The following MAP3K1 variants were observed in gnomAD, a reference collection of about 807,000 sequenced individuals.
The protein encoded by MAP3K1 is MAP/ERK kinase kinase 1.
A neutral mutation model predicts 144.2 loss-of-function variants in MAP3K1; 36 were observed. The ratio of observed to expected loss-of-function variants is 0.25; its 90% CI spans 0.19 to 0.33. MAP3K1 has a LOEUF of 0.33. Ranked by LOEUF, MAP3K1 falls within the 10% of genes least tolerant of loss-of-function variation. The pLI is 1.00. For missense variants in MAP3K1, 1,650 were observed against 1,881.9 expected (o/e 0.88, Z 2.28); for synonymous variants, 718 against 688.7 (o/e 1.04, Z -0.67).
rs1004104271 is a variant in MAP3K1, at chr5:56,868,766, T to C, written c.1301+2789T>C. 1.5e-4 allele frequency among the ~76,000 whole-genome samples: 23 copies of C among 152,276 alleles called. No homozygotes were observed. The East Asian group carries it at 4.0e-3, about 27-fold the overall frequency. On this transcript the variant is annotated intron_variant, in intron 6 of 19. Transcript: ENST00000399503. ...GATACTTAAAACAGGATCTATCTAG[T>C]CAGTGGAAAATTATGATGGCATTAA...
intron 1 of MAP3K1, chr5:56,820,356 C>A: frequency 1.1e-6 from 1 of 881,094 alleles, no homozygotes; most frequent in South Asian, 5.2e-5. Context: ...CTTCCATTTT[C>A]TTTTTTCAAA....
chr5:56,830,152 A>G (rs768227884), intron 1 of MAP3K1, among the ~76,000 whole-genome samples: 13 of 152,240 alleles, frequency 8.5e-5, no homozygotes, highest in Non-Finnish European at 1.9e-4. Context: ...TGTTATCAGA[A>G]TTATATTGTG....
intron 1 of MAP3K1, among the ~76,000 whole-genome samples, chr5:56,816,732 G>C (rs1371695430): frequency 6.6e-6 from 1 of 152,218 alleles, no homozygotes; most frequent in African/African-American, 2.4e-5. Flanking sequence ...GCGGGAGGCT[G>C]CACACTCGCG....
chr5:56,851,063 C>T (rs956909474), intron 1 of MAP3K1, among the ~76,000 whole-genome samples: 1 of 152,170 alleles, frequency 6.6e-6, no homozygotes, highest in African/African-American at 2.4e-5. Flanking sequence ...TCTCCTGCCT[C>T]AACTTCCCTA....
intron 1 of MAP3K1, among the ~76,000 whole-genome samples, chr5:56,847,049 C>T (rs1271936145): frequency 6.6e-6 from 1 of 152,230 alleles, no homozygotes; most frequent in African/African-American, 2.4e-5. Context: ...AGCTTTTACA[C>T]TACTGCCTTA....
intron 15 of MAP3K1, 47 bp downstream of exon 15, chr5:56,883,726 T>G: frequency 2.5e-6 from 4 of 1,586,474 alleles, no homozygotes; most frequent in Non-Finnish European, 3.5e-6. Context: ...AATCACAAAA[T>G]GAAGCATGTT....
At position 56,865,953 on chromosome 5, in the gene MAP3K1, C is replaced by G. The variant is rs1747659267; in HGVS notation, c.1277C>G (p.Thr426Ser). ...TCTCATACATTGTCATCATCTAGTA[C>G]TTCTACGTCTAGTTCAGAAAACAGG... ...SNSHTLSSSSTSTSSSENSIK... is the reference protein window; with the variant it reads ...SNSHTLSSSSSSTSSSENSIK... Residue 426 changes from threonine to serine, a missense_variant, in exon 6 of 20, where the codon ACT becomes AGT. Physicochemically the swap from Thr to Ser is moderately conservative, Grantham distance 58 (BLOSUM62 1). Coordinates refer to ENST00000399503, the MANE Select transcript of MAP3K1 (RefSeq NM_005921.2). 6.2e-7 allele frequency: 1 copy of G among 1,610,990 alleles called. No homozygotes were observed. Among genetic ancestry groups the G allele is most frequent in the African/African-American group, 1.3e-5 (1 of 74,882 alleles).
At chr5:56,844,411 C>A (rs1561174402) in intron 1 of MAP3K1, among the ~76,000 whole-genome samples, 1 of 151,864 alleles carries the variant, frequency 6.6e-6, no homozygotes, top group Non-Finnish European at 1.5e-5. Context: ...GATCTCCTGA[C>A]CTCGTGATCC....
At chr5:56,842,465 G>A (rs954680856) in intron 1 of MAP3K1, among the ~76,000 whole-genome samples, 4 of 152,216 alleles carry the variant, frequency 2.6e-5, no homozygotes, top group Non-Finnish European at 4.4e-5. Flanking sequence ...TAAAGCCACT[G>A]TATGGACAAT....
intron 1 of MAP3K1, among the ~76,000 whole-genome samples, chr5:56,826,609 A>T (rs1746323405): frequency 6.6e-6 from 1 of 152,246 alleles, no homozygotes; most frequent in Non-Finnish European, 1.5e-5. Flanking sequence ...TGACGATGTA[A>T]GCATCACAAG....
In MAP3K1 at chr5:56,844,183, G is replaced by GTTTTTTTTTTTTTTTTT. The variant is rs770169813; in HGVS notation, c.483-12409_483-12393dup. On this transcript the variant is annotated intron_variant, in intron 1 of 19. Coordinates refer to ENST00000399503, the MANE Select transcript of MAP3K1 (RefSeq NM_005921.2). ...TAGTATTATAGGATTGTTTTTTTTG[G>GTTTTTTTTTTTTTTTTT]TTTTTTTTTTTTTTTTTTTTTTTTG... is the stretch of plus-strand genomic sequence containing the variant. Among the ~76,000 whole-genome samples the GTTTTTTTTTTTTTTTTT allele has an allele frequency of 1.1e-4, 8 of 76,106 alleles. 1 individual carries two copies. The highest frequency in any genetic ancestry group is 1.8e-4 in the Non-Finnish European group (8 of 43,316). The allele number at this position is 76,106 out of a possible 152,430, so 49.9% of individuals were successfully genotyped here. A position where few individuals can be genotyped will look rare whatever the true frequency, so the allele number is the denominator to read the frequency against.
chr5:56,857,955 C>CAAG (rs1157230924), intron 2 of MAP3K1, among the ~76,000 whole-genome samples: 2 of 152,164 alleles, frequency 1.3e-5, no homozygotes, highest in East Asian at 3.8e-4. Flanking sequence ...GCCCGTGAGT[C>CAAG]CTTGTCTTTA....
At chr5:56,888,783 C>G (rs861283) in intron 19 of MAP3K1, among the ~76,000 whole-genome samples, 4 of 152,128 alleles carry the variant, frequency 2.6e-5, no homozygotes, top group African/African-American at 7.2e-5. Context: ...TAATGTTTGG[C>G]AGGTTAGGTG....
chr5:56,858,960 C>T (rs1423476873), intron 2 of MAP3K1, among the ~76,000 whole-genome samples: 1 of 149,984 alleles, frequency 6.7e-6, no homozygotes, highest in African/African-American at 2.5e-5. Flanking sequence ...GGCTATAGAA[C>T]AGGAGCAGTG....
At chr5:56,866,835 G>A (rs546680071) in intron 6 of MAP3K1, among the ~76,000 whole-genome samples, 1 of 152,244 alleles carries the variant, frequency 6.6e-6, no homozygotes, top group East Asian at 1.9e-4. Context: ...TCTTAATTTT[G>A]ATTAAATGAA....
intron 1 of MAP3K1, among the ~76,000 whole-genome samples, chr5:56,855,345 T>G (rs1747309834): frequency 6.6e-6 from 1 of 152,144 alleles, no homozygotes; most frequent in South Asian, 2.1e-4. Flanking sequence ...ATAACAGTAT[T>G]TGTGTGTGTA....
At chr5:56,841,875 T>C (rs1467036622) in intron 1 of MAP3K1, 2 of 152,232 alleles carry the variant, frequency 1.3e-5, no homozygotes, top group Admixed American at 6.5e-5. Context: ...CATTTTCCTT[T>C]AGTTCCGTGA....
At chr5:56,835,052 C>T (rs182662713) in intron 1 of MAP3K1, among the ~76,000 whole-genome samples, 44 of 152,268 alleles carry the variant, frequency 2.9e-4, no homozygotes, top group African/African-American at 1.0e-3. Context: ...ACCTTTGCTC[C>T]GTTGAACCTT....
chr5:56,856,216 A>G (rs1747339720), intron 1 of MAP3K1, among the ~76,000 whole-genome samples: 1 of 152,242 alleles, frequency 6.6e-6, no homozygotes, highest in Non-Finnish European at 1.5e-5. Context: ...ATAAATCAGC[A>G]TATCCACCAG....
Sources: gnomAD v4.1 joint callset for allele counts (sites outside exome capture counted in the v4.1 genomes callset) on GRCh38, gnomAD v4.1.1 for gene constraint, MANE v1.5 for transcripts, NCBI Gene and HGNC (gene_info 2026-07-23, HGNC 2026-07-21) for gene names.